Variants in TRAPPC9 observed in about 807,000 individuals in gnomAD.
The protein encoded by TRAPPC9 is trafficking protein particle complex subunit 9.
Under a neutral mutation model 124.0 loss-of-function variants are expected in TRAPPC9, and 83 were observed. That is an observed-to-expected ratio of 0.67 (90% CI 0.56 to 0.80). The LOEUF is 0.80. TRAPPC9 is among the 30% of genes least tolerant of loss of function. The pLI, the probability that TRAPPC9 is intolerant of heterozygous loss-of-function variation, is 0.00. For missense variants in TRAPPC9, 1,302 were observed against 1,508.3 expected, an observed-to-expected ratio of 0.86 and a Z score of 2.27; for synonymous variants, 638 against 617.5, an observed-to-expected ratio of 1.03 and a Z score of -0.49.
At chr8:140,121,226 G>A (rs984909323) in intron 17 of TRAPPC9, among the ~76,000 whole-genome samples, 1 of 152,242 alleles carries the variant, frequency 6.6e-6, no homozygotes, top group Admixed American at 6.5e-5. Context: ...GATGAAAGGA[G>A]ATTTTTAGGG....
intron 17 of TRAPPC9, among the ~76,000 whole-genome samples, chr8:140,114,333 A>G (rs1016135889): frequency 1.6e-3 from 11 of 6,838 alleles, no homozygotes; most frequent in Non-Finnish European, 2.8e-3. Context: ...AGGACTGAAG[A>G]AAAAAAAAAA....
At chr8:139,861,122 T>C (rs963233080) in intron 21 of TRAPPC9, among the ~76,000 whole-genome samples, 6 of 152,368 alleles carry the variant, frequency 3.9e-5, no homozygotes, top group African/African-American at 1.2e-4. Context: ...CGCAAAGAAA[T>C]AGCACTCGAA....
intron 19 of TRAPPC9, among the ~76,000 whole-genome samples, chr8:139,940,756 C>T (rs1311308222): frequency 6.6e-6 from 1 of 152,224 alleles, no homozygotes; most frequent in Non-Finnish European, 1.5e-5. Flanking sequence ...CCTCCTTCCC[C>T]ACCTCATGGC....
intron 17 of TRAPPC9, among the ~76,000 whole-genome samples, chr8:140,059,671 G>A (rs1842483283): frequency 6.6e-6 from 1 of 152,154 alleles, no homozygotes; most frequent in African/African-American, 2.4e-5. Flanking sequence ...CTGAAAATCT[G>A]TGACATTGAG....
chr8:140,265,073 C>G (rs1030534072), intron 15 of TRAPPC9, among the ~76,000 whole-genome samples: 4 of 152,164 alleles, frequency 2.6e-5, no homozygotes, highest in Non-Finnish European at 5.9e-5. Context: ...ACAGAGGCAA[C>G]GAGCAACAGC....
At chr8:139,982,414 A>G (rs1249053350) in intron 19 of TRAPPC9, among the ~76,000 whole-genome samples, 1 of 152,142 alleles carries the variant, frequency 6.6e-6, no homozygotes, top group Non-Finnish European at 1.5e-5. Flanking sequence ...ATGAGTGCAA[A>G]GCCCACTCCC....
At chr8:139,980,073 C>T (rs972642236) in intron 19 of TRAPPC9, among the ~76,000 whole-genome samples, 1 of 151,970 alleles carries the variant, frequency 6.6e-6, no homozygotes, top group Non-Finnish European at 1.5e-5. Flanking sequence ...TCGCACCTCA[C>T]TTCCAAGACC....
In TRAPPC9 at chr8:139,984,460, C is replaced by T. The variant is rs910696283; in HGVS notation, c.2810+4266G>A. Among the ~76,000 whole-genome samples, 29 of 124,248 alleles carry T rather than the reference C, an allele frequency of 2.3e-4. No homozygotes were observed. The highest frequency in any genetic ancestry group is 1.8e-3 in the Admixed American group (24 of 13,474). The allele number at this position is 124,248 out of a possible 152,430, so 81.5% of individuals were successfully genotyped here. A position where few individuals can be genotyped will look rare whatever the true frequency, so the allele number is the denominator to read the frequency against. ...TTAGCACAGCCTGGGGGTGGGGGGC[C>T]GGGGGGTGGTGGCAGGGGTGCCTCC... is the stretch of plus-strand genomic sequence containing the variant. On this transcript the variant is annotated intron_variant, in intron 19 of 22. Transcript: ENST00000438773. The surrounding 1 kb of genome is among the most constrained non-coding windows in gnomAD (Gnocchi z 4.3).
At chr8:140,294,867 C>T (rs2065762466) in intron 11 of TRAPPC9, among the ~76,000 whole-genome samples, 1 of 152,150 alleles carries the variant, frequency 6.6e-6, no homozygotes, top group South Asian at 2.1e-4. Context: ...CCACCTTGGC[C>T]TCCCAGAGTA....
chr8:140,280,777 C>T (rs772462610), intron 14 of TRAPPC9, among the ~76,000 whole-genome samples: 16 of 152,152 alleles, frequency 1.1e-4, no homozygotes, highest in Admixed American at 3.3e-4. Context: ...AAAGAGATGA[C>T]GCAGGAGCAC....
chr8:140,193,622 G>GAAAAAAAAAAA (rs72383095), intron 17 of TRAPPC9, among the ~76,000 whole-genome samples: 1 of 77,334 alleles, frequency 1.3e-5, no homozygotes, highest in African/African-American at 5.1e-5. Context: ...TGTACTTTCA[G>GAAAAAAAAAAA]AAAAAAAAAA....
intron 17 of TRAPPC9, among the ~76,000 whole-genome samples, chr8:140,169,436 C>T (rs2061918260): frequency 6.6e-6 from 1 of 152,112 alleles, no homozygotes. Context: ...GAGGTACAGA[C>T]CCAAGAGGAT....
At chr8:140,056,920 A>T (rs2132116461) in intron 17 of TRAPPC9, among the ~76,000 whole-genome samples, 1 of 152,362 alleles carries the variant, frequency 6.6e-6, no homozygotes, top group South Asian at 2.1e-4. Context: ...TTATCTGATA[A>T]GGGATTAATA....
chr8:140,125,467 T>C (rs901831501), intron 17 of TRAPPC9, among the ~76,000 whole-genome samples: 7 of 151,970 alleles, frequency 4.6e-5, no homozygotes, highest in Non-Finnish European at 1.0e-4. Context: ...GCGTCATCTG[T>C]CATTTCAGAA....
intron 7 of TRAPPC9, among the ~76,000 whole-genome samples, chr8:140,392,156 A>G (rs1464258566): frequency 2.0e-5 from 3 of 152,250 alleles, no homozygotes; most frequent in African/African-American, 7.2e-5. Context: ...GGTATCTACA[A>G]GACAATCCTG....
rs147663348 is a variant in TRAPPC9, at chr8:140,220,880, C to T, written c.2556+579G>A. ...GGCCCTGCAGTCCTCCTGCTCTACA[C>T]GCTGTCCCTGGGCCAGCTCAAACAG... On this transcript the variant is annotated intron_variant, in intron 17 of 22. Transcript: ENST00000438773. Among the ~76,000 whole-genome samples, 412 of 152,326 alleles carry T rather than the reference C, an allele frequency of 2.7e-3. 3 individuals carry two copies. The highest frequency in any genetic ancestry group is 9.3e-3 in the African/African-American group (388 of 41,558).
chr8:140,178,491 A>G (rs1449791163), intron 17 of TRAPPC9, among the ~76,000 whole-genome samples: 1 of 152,110 alleles, frequency 6.6e-6, no homozygotes, highest in East Asian at 1.9e-4. Flanking sequence ...AGAATGCTGC[A>G]TTCTTTTTCT....
chr8:140,352,825 C>T (rs752038017), intron 9 of TRAPPC9, among the ~76,000 whole-genome samples: 2 of 152,176 alleles, frequency 1.3e-5, no homozygotes, highest in Non-Finnish European at 2.9e-5. Flanking sequence ...GGTGATTCTG[C>T]TGTTCCCTAT....
chr8:140,275,023 CCCT>C (rs2065068364), intron 15 of TRAPPC9, among the ~76,000 whole-genome samples: 1 of 152,184 alleles, frequency 6.6e-6, no homozygotes, highest in African/African-American at 2.4e-5. Flanking sequence ...TGATACTTTT[CCCT>C]CCTCCTATAC....
Sources: allele counts gnomAD v4.1 joint callset (sites outside exome capture counted in the v4.1 genomes callset), GRCh38; gene constraint gnomAD v4.1.1; non-coding constraint Gnocchi (gnomAD v3.1); transcripts MANE v1.5; gene names NCBI Gene and HGNC (gene_info 2026-07-23, HGNC 2026-07-21).